Variants in KCNH7 observed in about 807,000 individuals in gnomAD.
KCNH7 encodes voltage-gated inwardly rectifying potassium channel KCNH7.
A neutral mutation model predicts 120.8 loss-of-function variants in KCNH7; 49 were observed. The ratio of observed to expected loss-of-function variants is 0.41; its 90% confidence interval spans 0.32 to 0.51. KCNH7 has a LOEUF of 0.51. KCNH7 is among the 20% of genes least tolerant of loss of function. KCNH7 has a pLI of 0.38. For missense variants in KCNH7, 1,097 were observed against 1,446.6 expected (o/e 0.76, Z 3.92); for synonymous variants, 547 against 516.1 (o/e 1.06, Z -0.81).
chr2:162,570,338 G>C (rs1380321871), intron 2 of KCNH7, among the ~76,000 whole-genome samples: 7 of 151,808 alleles, frequency 4.6e-5, no homozygotes, highest in Admixed American at 4.6e-4. Context: ...TTTTATCAGA[G>C]ACTAGGATTG....
At chr2:162,463,866 G>T (rs1187682023) in intron 6 of KCNH7, among the ~76,000 whole-genome samples, 1 of 148,792 alleles carries the variant, frequency 6.7e-6, no homozygotes, top group African/African-American at 2.5e-5. Context: ...AACCTGCACA[G>T]AAACAATTAG....
At chr2:162,687,625 T>C (rs1244268747) in intron 2 of KCNH7, among the ~76,000 whole-genome samples, 1 of 152,070 alleles carries the variant, frequency 6.6e-6, no homozygotes, top group East Asian at 1.9e-4. Context: ...ACCACGAAAG[T>C]TGGCAAATGC....
chr2:162,587,046 A>T (rs1197104178), intron 2 of KCNH7, among the ~76,000 whole-genome samples: 4 of 152,066 alleles, frequency 2.6e-5, no homozygotes, highest in African/African-American at 9.7e-5. Context: ...GTTACTTGTA[A>T]GCAAAACTTA....
At chr2:162,523,168 TG>T (rs1326020078) in intron 3 of KCNH7, among the ~76,000 whole-genome samples, 1 of 151,870 alleles carries the variant, frequency 6.6e-6, no homozygotes, top group Admixed American at 6.6e-5. Flanking sequence ...GGTGTTTTCT[TG>T]GGTCATAAAT....
intron 6 of KCNH7, among the ~76,000 whole-genome samples, chr2:162,481,119 G>A (rs1238166040): frequency 6.6e-6 from 1 of 152,040 alleles, no homozygotes; most frequent in East Asian, 1.9e-4. Flanking sequence ...TTTATTACCA[G>A]TATAAATTTT....
At chr2:162,753,028 G>GAAACC (rs1688655478) in intron 2 of KCNH7, among the ~76,000 whole-genome samples, 1 of 133,482 alleles carries the variant, frequency 7.5e-6, no homozygotes, top group Non-Finnish European at 1.6e-5. Flanking sequence ...GAAAAGAAAA[G>GAAACC]AAACCCTGAC....
intron 2 of KCNH7, among the ~76,000 whole-genome samples, chr2:162,744,935 T>G (rs949804521): frequency 6.6e-6 from 1 of 152,194 alleles, no homozygotes; most frequent in Non-Finnish European, 1.5e-5. Context: ...GTGTCAGTCC[T>G]GCTGATACTC....
intron 2 of KCNH7, among the ~76,000 whole-genome samples, chr2:162,698,274 T>C (rs2105338659): frequency 6.6e-6 from 1 of 152,274 alleles, no homozygotes; most frequent in Non-Finnish European, 1.5e-5. Flanking sequence ...TGTCTAGAAA[T>C]GTTATGTACC....
At chr2:162,578,928 GT>G (rs201303587) in intron 2 of KCNH7, among the ~76,000 whole-genome samples, 1,678 of 146,832 alleles carry the variant, frequency 0.011, 32 homozygotes, top group East Asian at 0.037. Flanking sequence ...AGATTTATGA[GT>G]TTTTTTTTTT....
At chr2:162,744,862 C>T (rs974644768) in intron 2 of KCNH7, among the ~76,000 whole-genome samples, 8 of 152,074 alleles carry the variant, frequency 5.3e-5, no homozygotes, top group Non-Finnish European at 1.0e-4. Context: ...CGTGAGCCAC[C>T]GCGCCCGGCC....
Position 162,484,503 on chromosome 2 carries a change from C to T in KCNH7, c.1128+19940G>A, listed in dbSNP as rs373605207. On this transcript the variant is annotated intron_variant, in intron 6 of 15. Coordinates refer to ENST00000332142, the MANE Select transcript of KCNH7 (RefSeq NM_033272.4). ...CTACAATAATAATGTGGTGAAGAAA[C>T]CAGAGAGACCGCAATAAGTCAGGAT... 2.8e-4 allele frequency among the ~76,000 whole-genome samples: 43 copies of T among 152,182 alleles called. No individual in the cohort carries two copies. The South Asian group carries it at 8.7e-3, about 31-fold the overall frequency.
chr2:162,446,926 C>A (rs1688600504), intron 6 of KCNH7, among the ~76,000 whole-genome samples: 1 of 151,820 alleles, frequency 6.6e-6, no homozygotes, highest in South Asian at 2.1e-4. Context: ...TAAATTAAAC[C>A]CAACTCATTC....
chr2:162,491,067 G>A (rs1220817805), intron 6 of KCNH7, among the ~76,000 whole-genome samples: 1 of 152,146 alleles, frequency 6.6e-6, no homozygotes, highest in Admixed American at 6.5e-5. Context: ...TGCTTCCCGG[G>A]TACCAAGGCA....
At chr2:162,542,615 G>A (rs1692348773) in intron 2 of KCNH7, among the ~76,000 whole-genome samples, 1 of 152,004 alleles carries the variant, frequency 6.6e-6, no homozygotes, top group Non-Finnish European at 1.5e-5. Context: ...ATTCCATGGT[G>A]TATATGTGCC....
intron 2 of KCNH7, among the ~76,000 whole-genome samples, chr2:162,563,369 ACC>A (rs1297712656): frequency 1.3e-5 from 2 of 152,178 alleles, no homozygotes; most frequent in African/African-American, 2.4e-5. Context: ...TAATTACTTT[ACC>A]TTGTATTGTA....
intron 2 of KCNH7, among the ~76,000 whole-genome samples, chr2:162,659,607 T>A (rs554588306): frequency 7.2e-5 from 11 of 152,244 alleles, no homozygotes; most frequent in Non-Finnish European, 1.3e-4. Flanking sequence ...CCTCCCAAAG[T>A]GCTGGGATTA....
rs565810785 is a variant in KCNH7 at position 162,685,572 on chromosome 2, T to C, written c.308-148492A>G. ...CTCTATGATGAAATCCCATTCCAAA[T>C]AATCTTAGTATACCTGAGGTGGTGC... is the stretch of plus-strand genomic sequence containing the variant. On this transcript the variant is annotated intron_variant, in intron 2 of 15. Transcript: ENST00000332142. Among the ~76,000 whole-genome samples the C allele has an allele frequency of 2.6e-5, 4 of 152,212 alleles. No homozygotes were observed. The East Asian group carries it at 7.7e-4, about 29-fold the overall frequency.
chr2:162,727,019 A>G (rs527637109), intron 2 of KCNH7, among the ~76,000 whole-genome samples: 1 of 152,244 alleles, frequency 6.6e-6, no homozygotes, highest in East Asian at 1.9e-4. Context: ...TTTTCAGTAG[A>G]TAGGGTTGTT....
intron 2 of KCNH7, among the ~76,000 whole-genome samples, chr2:162,759,813 A>G (rs1688908116): frequency 6.6e-6 from 1 of 152,104 alleles, no homozygotes; most frequent in African/African-American, 2.4e-5. Flanking sequence ...AACAATGTAA[A>G]TGTCAAAAAT....
Sources: gnomAD v4.1 joint callset for allele counts (sites outside exome capture counted in the v4.1 genomes callset) on GRCh38, gnomAD v4.1.1 for gene constraint, MANE v1.5 for transcripts, NCBI Gene and HGNC (gene_info 2026-07-23, HGNC 2026-07-21) for gene names.